Variants in C3 observed in about 807,000 individuals in gnomAD.
The protein encoded by C3 is C3 and PZP-like alpha-2-macroglobulin domain-containing protein 1.
Under a neutral mutation model 207.9 loss-of-function variants are expected in C3, and 97 were observed. The ratio of observed to expected loss-of-function variants is 0.47; its 90% confidence interval spans 0.40 to 0.55. The LOEUF is 0.55. C3 is among the 20% of genes least tolerant of loss of function. The pLI is 0.00. For missense variants in C3, 1,684 were observed against 2,171.7 expected (o/e 0.78, Z 4.46); for synonymous variants, 848 against 857.6 (o/e 0.99, Z 0.20).
intron 17 of C3, among the ~76,000 whole-genome samples, chr19:6,704,502 T>C (rs1303803677): frequency 6.6e-6 from 1 of 152,154 alleles, no homozygotes; most frequent in Non-Finnish European, 1.5e-5. Context: ...CTCATGCCTG[T>C]AATCCCAATA....
Position 6,692,990 on chromosome 19 carries a change from G to A in C3, c.3324C>T (p.Ile1108=), listed in dbSNP as rs776045828. ...QVLCGAVKWL[I]LEKQKPDGVF... is the part of the protein sequence containing the mutation. ...CCCCGTCGGGCTTCTGCTTCTCCAGGATCAGCCATTTAACAGCCCCGCAGA... is the reference window on the plus strand; with the variant it reads ...CCCCGTCGGGCTTCTGCTTCTCCAGAATCAGCCATTTAACAGCCCCGCAGA... The change falls in exon 26 of 41, where the codon ATC becomes ATT. Residue 1108 remains isoleucine (I), a synonymous_variant. Coordinates refer to ENST00000245907, the MANE Select transcript of C3 (RefSeq NM_000064.4). 6.2e-7 allele frequency: 1 copy of A among 1,614,142 alleles called. No homozygotes were observed. The highest frequency in any genetic ancestry group is 8.5e-7 in the Non-Finnish European group (1 of 1,180,028).
chr19:6,686,023 T>C, intron 29 of C3, 101 bp downstream of exon 29: 2 of 1,212,760 alleles, frequency 1.6e-6, no homozygotes, highest in Non-Finnish European at 2.5e-6. Flanking sequence ...CTCGTGGGAA[T>C]GAAGAACTGC....
chr19:6,703,403 T>A (rs1188990179), intron 17 of C3, among the ~76,000 whole-genome samples: 1 of 151,790 alleles, frequency 6.6e-6, no homozygotes, highest in Non-Finnish European at 1.5e-5. Flanking sequence ...AGGTCAGGAG[T>A]TCGAGACAGC....
chr19:6,710,548 G>C (rs1967895741), intron 13 of C3, 91 bp downstream of exon 13: 1 of 973,930 alleles, frequency 1.0e-6, no homozygotes, highest in Admixed American at 2.1e-5. Flanking sequence ...AAGGAGAAAG[G>C]GAGAGAGAGA....
intron 9 of C3, among the ~76,000 whole-genome samples, 172 bp from the exon 10 acceptor site, chr19:6,712,795 C>T (rs897150645): frequency 2.0e-5 from 3 of 152,148 alleles, no homozygotes; most frequent in African/African-American, 7.2e-5. Context: ...ACTGGCCTTG[C>T]CTCCTCCATC....
chr19:6,718,077 C>G lies in C3; in HGVS notation c.504+17G>C. 1 of 1,613,434 alleles carries G rather than the reference C, an allele frequency of 6.2e-7. No individual in the cohort carries two copies. The highest frequency in any genetic ancestry group is 1.1e-5 in the South Asian group (1 of 91,072). On this transcript the variant is annotated intron_variant, in intron 4 of 40. Coordinates refer to ENST00000245907, the MANE Select transcript of C3 (RefSeq NM_000064.4). The stretch of plus-strand genomic sequence containing the variant: ...GCCTGTGCCCCTGCTTCCCCTGGGG[C>G]CCCCTCTGGCTGGCACCTCAATGTT...
At position 6,686,984 on chromosome 19, in the gene C3, AG is replaced by A. The variant is rs112920463; in HGVS notation, c.3490-83del. 9.2e-5 allele frequency: 129 copies of A among 1,407,218 alleles called. No individual in the cohort carries two copies. In the African/African-American group the frequency reaches 1.4e-3, roughly 15 times the overall value. 87.2% of individuals were successfully genotyped at this position (1,407,218 alleles called of 1,614,324 possible). On this transcript the variant is annotated intron_variant, in intron 27 of 40. Transcript: ENST00000245907. ...AGGATCATTCGAGCAGCACTTCCTGAGCATCAGGGATTTCTGTCCTTGGGAC... is the reference window on the plus strand; with the variant it reads ...AGGATCATTCGAGCAGCACTTCCTGACATCAGGGATTTCTGTCCTTGGGAC...
At chr19:6,718,568 C>T (rs1968093463) in intron 2 of C3, among the ~76,000 whole-genome samples, 156 bp from the exon 3 acceptor site, 1 of 149,198 alleles carries the variant, frequency 6.7e-6, no homozygotes, top group Non-Finnish European at 1.5e-5. Flanking sequence ...GAAGGAGGTG[C>T]GAGGGGAGAG....
At chr19:6,702,704 C>A in intron 17 of C3, 125 bp from the exon 18 acceptor site, 1 of 741,744 alleles carries the variant, frequency 1.3e-6, no homozygotes, top group South Asian at 1.4e-5. Flanking sequence ...TGGAGACCAG[C>A]CTAGCTAACA....
intron 35 of C3, among the ~76,000 whole-genome samples, chr19:6,681,708 A>G (rs144115008): frequency 1.3e-4 from 20 of 152,296 alleles, no homozygotes; most frequent in East Asian, 9.6e-4. Context: ...TAAGACTCTG[A>G]TAACAAGTTG....
Position 6,680,499 on chromosome 19 carries a change from C to T in C3, c.4351-236G>A, listed in dbSNP as rs11569557. On this transcript the variant is annotated intron_variant, in intron 35 of 40. Transcript: ENST00000245907. The stretch of plus-strand genomic sequence containing the variant: ...GGCTGAACAGATTGCTATCTATGCC[C>T]ATAAAAACAACCCATGCACAATCTT... Among the ~76,000 whole-genome samples, 4,792 of 152,240 alleles carry T rather than the reference C, an allele frequency of 0.031. 99 individuals carry two copies. The highest frequency in any genetic ancestry group is 0.049 in the South Asian group (235 of 4,828).
At chr19:6,693,555 A>C in intron 24 of C3, 68 bp from the exon 25 acceptor site, 1 of 1,168,670 alleles carries the variant, frequency 8.6e-7, no homozygotes, top group Non-Finnish European at 1.2e-6. Context: ...CAGAAAGGGC[A>C]GGGGCGGGGT....
chr19:6,680,613 T>C (rs2145391823), intron 35 of C3, among the ~76,000 whole-genome samples: 1 of 152,316 alleles, frequency 6.6e-6, no homozygotes, highest in South Asian at 2.1e-4. Flanking sequence ...CTTGGATCCC[T>C]GAGAGACTAC....
chr19:6,696,753 C>T, intron 21 of C3, 94 bp from the exon 22 acceptor site: 1 of 1,280,082 alleles, frequency 7.8e-7, no homozygotes. Context: ...TAGGATCACC[C>T]TAGCATTGCC....
At chr19:6,696,898 C>G (rs546491318) in intron 21 of C3, among the ~76,000 whole-genome samples, 1 of 151,366 alleles carries the variant, frequency 6.6e-6, no homozygotes, top group East Asian at 1.9e-4. Context: ...AAAAATTAGC[C>G]GGGCGTGGTG....
At chr19:6,693,116 T>C in intron 25 of C3, 33 bp from the exon 26 acceptor site, 1 of 1,611,846 alleles carries the variant, frequency 6.2e-7, no homozygotes, top group Non-Finnish European at 8.5e-7. Flanking sequence ...GCCAATCGGC[T>C]CTGAGATCCA....
intron 33 of C3, 39 bp downstream of exon 33, chr19:6,684,348 AG>A: frequency 6.7e-7 from 1 of 1,503,512 alleles, no homozygotes; most frequent in Non-Finnish European, 9.3e-7. Context: ...CTAGAGATAG[AG>A]GGATGGCCAA....
At chr19:6,706,386 C>T (rs572300453) in intron 17 of C3, among the ~76,000 whole-genome samples, 5 of 152,302 alleles carry the variant, frequency 3.3e-5, no homozygotes, top group Non-Finnish European at 5.9e-5. Context: ...CAGGCCTGGG[C>T]CTCCTGGCTC....
chr19:6,681,542 T>A (rs987159145), intron 35 of C3, among the ~76,000 whole-genome samples: 1 of 151,312 alleles, frequency 6.6e-6, no homozygotes, highest in Non-Finnish European at 1.5e-5. Context: ...CAAGACCCTG[T>A]CTCCTGAAAG....
Sources: gnomAD v4.1 joint callset for allele counts (sites outside exome capture counted in the v4.1 genomes callset) on GRCh38, gnomAD v4.1.1 for gene constraint, MANE v1.5 for transcripts, NCBI Gene and HGNC (gene_info 2026-07-23, HGNC 2026-07-21) for gene names.